ECT2L: variants seen among roughly 807,000 people sequenced by gnomAD.
ECT2L encodes the protein epithelial cell-transforming sequence 2 oncogene-like.
ECT2L carries 126 observed loss-of-function variants against 122.8 expected under a neutral mutation model. The ratio of observed to expected loss-of-function variants is 1.03; its 90% confidence interval spans 0.89 to 1.19. ECT2L has a LOEUF of 1.19. Ranked by LOEUF, ECT2L falls within the 50% of genes most tolerant of loss-of-function variation. ECT2L has a pLI of 0.00. For missense variants in ECT2L, 1,012 were observed against 1,064.1 expected (o/e 0.95, Z 0.68); for synonymous variants, 385 against 381.8 (o/e 1.01, Z -0.10).
intron 5 of ECT2L, 98 bp from the exon 6 acceptor site, chr6:138,842,881 T>A: frequency 8.8e-7 from 1 of 1,139,358 alleles, no homozygotes; most frequent in Non-Finnish European, 1.2e-6. Flanking sequence ...GTACCAGAAA[T>A]CTCAGTGTAA....
chr6:138,864,283 C>T (rs1471213159), intron 11 of ECT2L, among the ~76,000 whole-genome samples: 1 of 152,060 alleles, frequency 6.6e-6, no homozygotes, highest in Admixed American at 6.6e-5. Context: ...GGTCGTGCCA[C>T]CATACTCCAG....
At chr6:138,857,291 G>C (rs1052359075) in intron 10 of ECT2L, among the ~76,000 whole-genome samples, 3 of 152,136 alleles carry the variant, frequency 2.0e-5, no homozygotes, top group African/African-American at 7.2e-5. Flanking sequence ...TCTCAGACTT[G>C]AGCGCGCATC....
intron 20 of ECT2L, among the ~76,000 whole-genome samples, chr6:138,898,663 A>G (rs1357508706): frequency 4.6e-5 from 7 of 152,174 alleles, no homozygotes; most frequent in African/African-American, 1.7e-4. Context: ...ATTTTAACAA[A>G]ATCACCAGGT....
At chr6:138,825,914 C>A (rs1268674718) in intron 4 of ECT2L, among the ~76,000 whole-genome samples, 1 of 152,190 alleles carries the variant, frequency 6.6e-6, no homozygotes, top group Non-Finnish European at 1.5e-5. Flanking sequence ...CTCTGAACAC[C>A]CAGTTGAACT....
rs537663442 is a variant in ECT2L at position 138,903,321 on chromosome 6, T to C, written c.*694T>C. 1.6e-4 allele frequency: 24 copies of C among 151,564 alleles called. No homozygotes were observed. Among genetic ancestry groups the C allele is most frequent in the African/African-American group, 4.6e-4 (19 of 41,198 alleles). 9.4% of individuals were successfully genotyped at this position (151,564 alleles called of 1,614,324 possible). ...GTTGTAGTAAGCTGAGATGGCTCCA[T>C]TGCACTTCAGCCTGGGTGACAAGAG... On this transcript the variant is annotated 3_prime_UTR_variant, in exon 22 of 22. Coordinates refer to ENST00000541398, the MANE Select transcript of ECT2L (RefSeq NM_001077706.3).
At chr6:138,862,537 T>G (rs1177880878) in intron 10 of ECT2L, 90 bp from the exon 11 acceptor site, 386 of 1,272,304 alleles carry the variant, frequency 3.0e-4, no homozygotes, top group Non-Finnish European at 4.0e-4. Flanking sequence ...GATTTCAACA[T>G]GAGATTTGGA....
intron 20 of ECT2L, among the ~76,000 whole-genome samples, chr6:138,889,364 C>G (rs535529621): frequency 8.6e-5 from 13 of 151,786 alleles, no homozygotes; most frequent in Middle Eastern, 6.8e-3. Flanking sequence ...TCACTCACTG[C>G]CGCCCAGGCT....
chr6:138,843,288 T>C lies in ECT2L; in HGVS notation c.595+57T>C. 5 of 1,472,496 alleles carry C rather than the reference T, an allele frequency of 3.4e-6. No homozygotes were observed. In the South Asian group the frequency reaches 7.5e-5, roughly 22 times the overall value. 91.2% of individuals were successfully genotyped at this position (1,472,496 alleles called of 1,614,324 possible). ...GTAAATATTGTAGACACAAATGGAT[T>C]CACATACAAATTCCCACAGAGGACA... On this transcript the variant is annotated intron_variant, in intron 6 of 21. Coordinates refer to ENST00000541398, the MANE Select transcript of ECT2L (RefSeq NM_001077706.3).
At chr6:138,871,685 A>G (rs1778258353) in intron 13 of ECT2L, among the ~76,000 whole-genome samples, 1 of 152,174 alleles carries the variant, frequency 6.6e-6, no homozygotes, top group Non-Finnish European at 1.5e-5. Context: ...GCACACCTGT[A>G]GTTCCAGCTA....
rs979044998 is a variant in ECT2L, at chr6:138,902,782, T to G, written c.*155T>G. ...CATAGGATCTTTCCAACTTTTAAACTTTATCACTTGTGCTCACTTATGTAG... is the reference window on the plus strand; with the variant it reads ...CATAGGATCTTTCCAACTTTTAAACGTTATCACTTGTGCTCACTTATGTAG... On this transcript the variant is annotated 3_prime_UTR_variant, in exon 22 of 22. Coordinates refer to ENST00000541398, the MANE Select transcript of ECT2L (RefSeq NM_001077706.3). 9.4e-5 allele frequency: 86 copies of G among 913,316 alleles called. 1 individual carries two copies. The Admixed American group carries it at 2.6e-3, about 28-fold the overall frequency. The allele number at this position is 913,316 out of a possible 1,614,324, so 56.6% of individuals were successfully genotyped here.
intron 8 of ECT2L, among the ~76,000 whole-genome samples, chr6:138,848,447 G>A: frequency 6.6e-6 from 1 of 152,100 alleles, no homozygotes; most frequent in East Asian, 1.9e-4. Flanking sequence ...GAAGCACAAA[G>A]ATGACCTTTG....
chr6:138,841,746 TG>T (rs2128388596), intron 5 of ECT2L, among the ~76,000 whole-genome samples: 1 of 152,360 alleles, frequency 6.6e-6, no homozygotes, highest in African/African-American at 2.4e-5. Context: ...CCCTTCTTTC[TG>T]GGGTCTTGGT....
chr6:138,872,614 CT>C (rs1284577490), intron 13 of ECT2L, among the ~76,000 whole-genome samples: 1 of 152,218 alleles, frequency 6.6e-6, no homozygotes, highest in Non-Finnish European at 1.5e-5. Context: ...TCCATCCATC[CT>C]TTAGCCTATG....
chr6:138,865,204 C>A, intron 12 of ECT2L, 26 bp downstream of exon 12: 1 of 1,569,184 alleles, frequency 6.4e-7, no homozygotes, highest in South Asian at 1.2e-5. Context: ...ACTTCTGTTG[C>A]AGGTTAATTA....
intron 8 of ECT2L, 92 bp downstream of exon 8, chr6:138,846,769 G>A (rs1777238394): frequency 1.6e-6 from 2 of 1,287,042 alleles, no homozygotes; most frequent in Non-Finnish European, 2.0e-6. Flanking sequence ...ACAAGCTTTT[G>A]GCCACCATGT....
intron 9 of ECT2L, among the ~76,000 whole-genome samples, chr6:138,850,162 C>T (rs760599329): frequency 6.6e-6 from 1 of 150,462 alleles, no homozygotes; most frequent in Non-Finnish European, 1.5e-5. Flanking sequence ...TTTTTCGAGA[C>T]AGAGTCTTGC....
chr6:138,804,568 G>A (rs1041949339), intron 1 of ECT2L, among the ~76,000 whole-genome samples: 1 of 149,380 alleles, frequency 6.7e-6, no homozygotes, highest in African/African-American at 2.5e-5. Context: ...TTTAGAATCA[G>A]CTTTGAAGTT....
chr6:138,818,795 T>C (rs1466331962), intron 4 of ECT2L, among the ~76,000 whole-genome samples: 3 of 151,924 alleles, frequency 2.0e-5, no homozygotes, highest in Non-Finnish European at 2.9e-5. Flanking sequence ...AACAGGACTC[T>C]CGCTGATGAC....
At chr6:138,810,767 C>T (rs997352274) in intron 1 of ECT2L, among the ~76,000 whole-genome samples, 3 of 152,190 alleles carry the variant, frequency 2.0e-5, no homozygotes, top group Non-Finnish European at 4.4e-5. Context: ...ATTATTTACA[C>T]AGGCAAGGAC....
Sources: gnomAD v4.1 joint callset for allele counts (sites outside exome capture counted in the v4.1 genomes callset) on GRCh38, gnomAD v4.1.1 for gene constraint, MANE v1.5 for transcripts, NCBI Gene and HGNC (gene_info 2026-07-23, HGNC 2026-07-21) for gene names.